Variants in VIT observed in about 807,000 individuals in gnomAD.
VIT encodes the protein vitrin.
In VIT, 99 loss-of-function variants were observed where a neutral mutation model predicts 78.0. The ratio of observed to expected loss-of-function variants is 1.27; its 90% CI spans 1.08 to 1.50. The LOEUF (loss-of-function observed/expected upper bound fraction) is 1.50. Ranked by LOEUF, VIT falls within the 40% of genes most tolerant of loss-of-function variation. The pLI is 0.00. For synonymous variants in VIT, 374 were observed against 334.3 expected (o/e 1.12, Z -1.29); for missense variants, 1,126 against 875.3 (o/e 1.29, Z -3.61).
chr2:36,718,292 G>T (rs2148455170), intron 2 of VIT, among the ~76,000 whole-genome samples: 1 of 152,258 alleles, frequency 6.6e-6, no homozygotes, highest in South Asian at 2.1e-4. Context: ...CAGAACTGGG[G>T]ACTGGAAGAG....
chr2:36,725,242 G>A (rs1418979370), intron 2 of VIT, among the ~76,000 whole-genome samples: 2 of 152,170 alleles, frequency 1.3e-5, no homozygotes, highest in East Asian at 3.8e-4. Flanking sequence ...CCACATCATT[G>A]GCACAGGTTA....
chr2:36,789,206 G>T (rs1032010901), intron 12 of VIT, among the ~76,000 whole-genome samples: 4 of 152,156 alleles, frequency 2.6e-5, no homozygotes, highest in African/African-American at 9.7e-5. Flanking sequence ...CAGGTGATCT[G>T]AATTCGGGCC....
intron 14 of VIT, among the ~76,000 whole-genome samples, chr2:36,807,904 A>G (rs980691638): frequency 1.3e-5 from 2 of 152,134 alleles, no homozygotes; most frequent in African/African-American, 4.8e-5. Flanking sequence ...TTATGATTCC[A>G]CCTTGTAGGG....
chr2:36,792,248 A>G (rs1468182705), intron 12 of VIT, among the ~76,000 whole-genome samples: 1 of 152,164 alleles, frequency 6.6e-6, no homozygotes, highest in Non-Finnish European at 1.5e-5. Flanking sequence ...GCCCCTTGCC[A>G]AGACCCCACC....
At chr2:36,806,504 C>A (rs1344075026) in intron 14 of VIT, among the ~76,000 whole-genome samples, 1 of 152,106 alleles carries the variant, frequency 6.6e-6, no homozygotes, top group African/African-American at 2.4e-5. Context: ...TTAAGAGGCC[C>A]TCTCCTGCAG....
chr2:36,717,394 G>C (rs1666230392), intron 2 of VIT, among the ~76,000 whole-genome samples: 2 of 100,516 alleles, frequency 2.0e-5, no homozygotes, highest in Admixed American at 2.3e-4. Context: ...GTGTGTGTGT[G>C]TTTAGTAGAG....
chr2:36,746,682 T>G (rs1221007903), intron 4 of VIT, among the ~76,000 whole-genome samples: 1 of 152,152 alleles, frequency 6.6e-6, no homozygotes, highest in East Asian at 1.9e-4. Context: ...TTTTTGGGTC[T>G]TCTTTCTTTT....
intron 3 of VIT, among the ~76,000 whole-genome samples, chr2:36,739,659 T>C (rs1360182046): frequency 1.3e-5 from 2 of 152,190 alleles, no homozygotes; most frequent in Admixed American, 1.3e-4. Context: ...TGGCAGATAC[T>C]GAGGTGCTCT....
At chr2:36,799,466 A>G (rs1666154656) in intron 12 of VIT, among the ~76,000 whole-genome samples, 1 of 152,214 alleles carries the variant, frequency 6.6e-6, no homozygotes, top group African/African-American at 2.4e-5. Context: ...TAATCTTGGC[A>G]CTTTGGGAGG....
intron 1 of VIT, among the ~76,000 whole-genome samples, chr2:36,699,489 T>C (rs550435711): frequency 1.3e-5 from 2 of 149,220 alleles, no homozygotes; most frequent in Admixed American, 6.9e-5. Context: ...GACATAATTA[T>C]ATTCTTCACA....
intron 9 of VIT, among the ~76,000 whole-genome samples, chr2:36,779,049 T>A (rs1017931020): frequency 6.6e-6 from 1 of 152,096 alleles, no homozygotes; most frequent in Non-Finnish European, 1.5e-5. Flanking sequence ...AGCACCAAGA[T>A]CACACCACAG....
At chr2:36,789,932 T>C (rs1363833815) in intron 12 of VIT, among the ~76,000 whole-genome samples, 3 of 152,150 alleles carry the variant, frequency 2.0e-5, no homozygotes, top group Non-Finnish European at 4.4e-5. Context: ...GCTCCTTCCC[T>C]CCCTTCTCCC....
intron 10 of VIT, 96 bp from the exon 11 acceptor site, chr2:36,783,244 A>G: frequency 8.4e-7 from 1 of 1,197,298 alleles, no homozygotes; most frequent in Non-Finnish European, 1.2e-6. Context: ...CAAGCCCCCA[A>G]GCTGGGTGTG....
At chr2:36,757,856 G>A (rs910331158) in intron 5 of VIT, among the ~76,000 whole-genome samples, 2 of 152,128 alleles carry the variant, frequency 1.3e-5, no homozygotes, top group Non-Finnish European at 2.9e-5. Flanking sequence ...AAAGGTTGGG[G>A]CAGTTAATTA....
chr2:36,730,332 G>T (rs569445161), intron 3 of VIT, among the ~76,000 whole-genome samples: 1 of 151,588 alleles, frequency 6.6e-6, no homozygotes, highest in African/African-American at 2.4e-5. Flanking sequence ...TGGAATAATA[G>T]ATGTTTACTT....
At chr2:36,732,340 T>C (rs1383189199) in intron 3 of VIT, among the ~76,000 whole-genome samples, 1 of 152,194 alleles carries the variant, frequency 6.6e-6, no homozygotes, top group East Asian at 1.9e-4. Context: ...ATCTCCCTAG[T>C]GATGCAGCGC....
intron 6 of VIT, among the ~76,000 whole-genome samples, chr2:36,764,490 C>T (rs1224849595): frequency 6.6e-6 from 1 of 152,164 alleles, no homozygotes; most frequent in Non-Finnish European, 1.5e-5. Flanking sequence ...TGTCATAAAT[C>T]AGGCAGATTC....
intron 9 of VIT, among the ~76,000 whole-genome samples, chr2:36,775,492 T>C (rs375394772): frequency 1.3e-5 from 2 of 152,352 alleles, no homozygotes; most frequent in African/African-American, 4.8e-5. Flanking sequence ...AATTTTTTAC[T>C]GCCTGACAAT....
At chr2:36,699,642 A>G (rs1664917378) in intron 1 of VIT, among the ~76,000 whole-genome samples, 1 of 150,860 alleles carries the variant, frequency 6.6e-6, no homozygotes, top group Admixed American at 6.6e-5. Flanking sequence ...AGATAGATAG[A>G]TAGATAGATA....
Sources: allele counts gnomAD v4.1 joint callset (sites outside exome capture counted in the v4.1 genomes callset), GRCh38; gene constraint gnomAD v4.1.1; transcripts MANE v1.5; gene names NCBI Gene and HGNC (gene_info 2026-07-23, HGNC 2026-07-21).